Variants in TEX26 observed in about 807,000 individuals in gnomAD.
TEX26 encodes the protein testis-expressed protein 26.
In TEX26, 34 loss-of-function variants were observed where a neutral mutation model predicts 35.3. The ratio of observed to expected loss-of-function variants is 0.96; its 90% CI spans 0.73 to 1.28. The LOEUF (loss-of-function observed/expected upper bound fraction) is 1.28. TEX26 is among the 50% of genes most tolerant of loss of function. The pLI is 0.00. For synonymous variants in TEX26, 136 were observed against 111.8 expected (o/e 1.22, Z -1.36); for missense variants, 371 against 330.1 (o/e 1.12, Z -0.96).
intron 6 of TEX26, among the ~76,000 whole-genome samples, chr13:30,972,309 G>C (rs893600462): frequency 1.3e-5 from 2 of 152,086 alleles, no homozygotes; most frequent in Non-Finnish European, 2.9e-5. Flanking sequence ...AATAAAGATT[G>C]GTATCATTTG....
chr13:30,970,759 A>G (rs1954686591), intron 6 of TEX26, among the ~76,000 whole-genome samples: 1 of 152,092 alleles, frequency 6.6e-6, no homozygotes, highest in Non-Finnish European at 1.5e-5. Context: ...GTCAGGTGCA[A>G]TCCAACCTTA....
intron 2 of TEX26, among the ~76,000 whole-genome samples, chr13:30,942,991 T>C (rs762368871): frequency 2.0e-5 from 3 of 152,176 alleles, no homozygotes; most frequent in Non-Finnish European, 4.4e-5. Context: ...TGGTTCTGTA[T>C]GAATTTTAGA....
At chr13:30,952,570 A>C (rs987406535) in intron 2 of TEX26, 90 bp from the exon 3 acceptor site, 1 of 1,116,244 alleles carries the variant, frequency 9.0e-7, no homozygotes, top group African/African-American at 1.6e-5. Context: ...CTTTTTAAAA[A>C]ATGTAATGAG....
At chr13:30,940,880 G>A (rs866760785) in intron 2 of TEX26, among the ~76,000 whole-genome samples, 7 of 152,100 alleles carry the variant, frequency 4.6e-5, no homozygotes, top group Middle Eastern at 6.8e-3. Context: ...GGAGGTTGCA[G>A]TGAGCCGAGA....
intron 1 of TEX26, chr13:30,936,819 T>C (rs1953290605): frequency 1.0e-6 from 1 of 985,068 alleles, no homozygotes; most frequent in Non-Finnish European, 1.2e-6. Context: ...AAAAGGACAT[T>C]GAGATACTGA....
intron 4 of TEX26, among the ~76,000 whole-genome samples, chr13:30,963,147 G>A (rs1352443054): frequency 1.3e-5 from 2 of 152,072 alleles, no homozygotes; most frequent in Admixed American, 6.6e-5. Flanking sequence ...AGTTTTGAAT[G>A]GTCCTTGCTG....
At chr13:30,939,914 C>A in intron 2 of TEX26, 136 bp downstream of exon 2, 1 of 729,394 alleles carries the variant, frequency 1.4e-6, no homozygotes, top group East Asian at 2.8e-5. Flanking sequence ...CTACTGTGTG[C>A]ACACCTCTGC....
At chr13:30,966,584 C>T (rs771446805) in intron 5 of TEX26, among the ~76,000 whole-genome samples, 186 bp downstream of exon 5, 35 of 152,000 alleles carry the variant, frequency 2.3e-4, no homozygotes, top group African/African-American at 7.2e-4. Context: ...ATTACAGGTG[C>T]GCACCACCAT....
chr13:30,967,946 C>T (rs1407321101), intron 5 of TEX26, among the ~76,000 whole-genome samples: 1 of 152,128 alleles, frequency 6.6e-6, no homozygotes, highest in East Asian at 1.9e-4. Context: ...AAGGAAGTCC[C>T]TTACTGTGCC....
chr13:30,966,490 T>A, intron 5 of TEX26, 92 bp downstream of exon 5: 2 of 1,201,638 alleles, frequency 1.7e-6, no homozygotes, highest in Non-Finnish European at 2.2e-6. Flanking sequence ...CAGGCTGGAG[T>A]GCAGTGGCAC....
At chr13:30,965,250 T>C (rs1399952266) in intron 4 of TEX26, among the ~76,000 whole-genome samples, 1 of 152,186 alleles carries the variant, frequency 6.6e-6, no homozygotes, top group African/African-American at 2.4e-5. Flanking sequence ...AAAATCAATA[T>C]AAAAATGCTC....
intron 4 of TEX26, among the ~76,000 whole-genome samples, chr13:30,963,487 A>G (rs1200090854): frequency 1.3e-5 from 2 of 152,240 alleles, no homozygotes; most frequent in African/African-American, 4.8e-5. Context: ...CCTCAATTTT[A>G]AAGAACTAAG....
At chr13:30,959,766 T>A (rs1429815609) in intron 4 of TEX26, among the ~76,000 whole-genome samples, 1 of 151,740 alleles carries the variant, frequency 6.6e-6, no homozygotes, top group African/African-American at 2.4e-5. Flanking sequence ...ATTAAAGGAG[T>A]AATGCAGGAA....
At chr13:30,960,472 T>A (rs1447659083) in intron 4 of TEX26, among the ~76,000 whole-genome samples, 1 of 152,174 alleles carries the variant, frequency 6.6e-6, no homozygotes, top group Admixed American at 6.5e-5. Flanking sequence ...CTTGAACTCC[T>A]GAGGTCAGGC....
At chr13:30,967,684 G>A (rs890935467) in intron 5 of TEX26, among the ~76,000 whole-genome samples, 1 of 152,192 alleles carries the variant, frequency 6.6e-6, no homozygotes, top group Non-Finnish European at 1.5e-5. Flanking sequence ...GAGCTGGAAG[G>A]TGTTCTTAAG....
rs369761520 is a variant in TEX26 at position 30,966,882 on chromosome 13, G to A, written c.646+484G>A. On this transcript the variant is annotated intron_variant, in intron 5 of 6. Coordinates refer to ENST00000380473, the MANE Select transcript of TEX26 (RefSeq NM_152325.3). Reference sequence around the variant, plus strand: ...CCTGGCATGAAATCAGAACCTTGTCGCTGCAGCTCCCAACCTGTAACCCAG... The same window carrying A: ...CCTGGCATGAAATCAGAACCTTGTCACTGCAGCTCCCAACCTGTAACCCAG... 1.1e-3 allele frequency among the ~76,000 whole-genome samples: 163 copies of A among 152,276 alleles called. 2 individuals are homozygous for A. The highest frequency in any genetic ancestry group is 8.3e-3 in the East Asian group (43 of 5,176).
chr13:30,966,523 C>A (rs563090801), intron 5 of TEX26, 125 bp downstream of exon 5: 1 of 868,710 alleles, frequency 1.2e-6, no homozygotes, highest in Non-Finnish European at 1.7e-6. Context: ...CTGAGATCTC[C>A]GCCTCCTGGG....
chr13:30,941,471 A>G (rs1953508426), intron 2 of TEX26, among the ~76,000 whole-genome samples: 1 of 152,264 alleles, frequency 6.6e-6, no homozygotes, highest in African/African-American at 2.4e-5. Context: ...AACTTCTCAC[A>G]AAAGTTTCAG....
At chr13:30,969,160 T>G in intron 6 of TEX26, 114 bp downstream of exon 6, 1 of 943,996 alleles carries the variant, frequency 1.1e-6, no homozygotes, top group Non-Finnish European at 1.5e-6. Flanking sequence ...AATGAAAACA[T>G]TGCCTCAAAA....
Sources: gnomAD v4.1 joint callset for allele counts (sites outside exome capture counted in the v4.1 genomes callset) on GRCh38, gnomAD v4.1.1 for gene constraint, MANE v1.5 for transcripts, NCBI Gene and HGNC (gene_info 2026-07-23, HGNC 2026-07-21) for gene names.